MTMR3: variants seen among roughly 807,000 people sequenced by gnomAD.
MTMR3 encodes myotubularin related protein 3.
Under a neutral mutation model 132.4 loss-of-function variants are expected in MTMR3, and 32 were observed. That is an observed-to-expected ratio of 0.24 (90% confidence interval 0.18 to 0.32). The LOEUF (loss-of-function observed/expected upper bound fraction) is 0.32, where lower values mean the gene tolerates loss of function less well. Ranked by LOEUF, MTMR3 falls within the 10% of genes least tolerant of loss-of-function variation. MTMR3 has a pLI of 1.00. For synonymous variants in MTMR3, 556 were observed against 550.3 expected (o/e 1.01, Z -0.14); for missense variants, 1,216 against 1,489.6 (o/e 0.82, Z 3.02).
In MTMR3 at chr22:29,919,312, G is replaced by T. The variant is rs1302276159; in HGVS notation, c.-138+35953G>T. The stretch of plus-strand genomic sequence containing the variant: ...ACTATATACATACTTAAAAGTAAAT[G>T]ACATTTTGTCTTACCATGGATTTCT... On this transcript the variant is annotated intron_variant, in intron 1 of 19. Transcript: ENST00000401950. Among the ~76,000 whole-genome samples the T allele has an allele frequency of 2.0e-5, 3 of 152,040 alleles. No individual in the cohort carries two copies. In the East Asian group the frequency reaches 5.8e-4, roughly 29 times the overall value.
chr22:30,008,136 C>T, intron 11 of MTMR3, 104 bp downstream of exon 11: 1 of 1,434,228 alleles, frequency 7.0e-7, no homozygotes, highest in South Asian at 1.3e-5. Flanking sequence ...AAGCCATATT[C>T]CTCATCCATC....
chr22:29,945,915 T>C (rs1361604695), intron 1 of MTMR3, among the ~76,000 whole-genome samples: 1 of 152,096 alleles, frequency 6.6e-6, no homozygotes, highest in Non-Finnish European at 1.5e-5. Context: ...GAGAGAAATT[T>C]TAGGAAAACT....
At chr22:29,937,270 C>T (rs1185011309) in intron 1 of MTMR3, among the ~76,000 whole-genome samples, 5 of 152,172 alleles carry the variant, frequency 3.3e-5, no homozygotes, top group African/African-American at 4.8e-5. Context: ...AGCGCCTACT[C>T]GATACCAAGA....
At chr22:29,956,213 C>A (rs2066186642) in intron 1 of MTMR3, among the ~76,000 whole-genome samples, 1 of 152,114 alleles carries the variant, frequency 6.6e-6, no homozygotes, top group Non-Finnish European at 1.5e-5. Context: ...CTGTAAAGTT[C>A]AGATTGTTGC....
chr22:30,004,643 T>G (rs1268075577), intron 9 of MTMR3: 1 of 152,208 alleles, frequency 6.6e-6, no homozygotes, highest in African/African-American at 2.4e-5. Flanking sequence ...GTTCTTGGTG[T>G]AGTCATCCAT....
intron 5 of MTMR3, chr22:29,982,230 A>AG (rs2066762650): frequency 6.6e-6 from 1 of 150,670 alleles, no homozygotes; most frequent in South Asian, 2.1e-4. Context: ...AAAAAAAAAA[A>AG]AAAAAAAAAA....
chr22:29,912,198 GT>G (rs1411808989), intron 1 of MTMR3, among the ~76,000 whole-genome samples: 1 of 152,086 alleles, frequency 6.6e-6, no homozygotes, highest in Non-Finnish European at 1.5e-5. Context: ...GTCTTAATTT[GT>G]TTTTTTTATG....
At chr22:29,959,384 C>A (rs200974410) in intron 2 of MTMR3, among the ~76,000 whole-genome samples, 2 of 151,838 alleles carry the variant, frequency 1.3e-5, no homozygotes, top group Non-Finnish European at 2.9e-5. Context: ...ATTTTATTTA[C>A]GTATTTATTT....
In MTMR3 at chr22:30,019,866, CCATTGGACTTCACCA is replaced by C. The variant is rs771610586; in HGVS notation, c.2208_2222del (p.Ile737_Gln741del). ...AGGAGGAAGACACCTGAGGCCTCAG[CCATTGGACTTCACCA>C]AGACCCAGAACTGGGTGATGCTGCT... On this transcript the variant is annotated inframe_deletion, in exon 17 of 20. Transcript: ENST00000401950. 3.7e-6 allele frequency: 6 copies of C among 1,614,188 alleles called. No homozygotes were observed. In the East Asian group the frequency reaches 1.3e-4, roughly 36 times the overall value.
At chr22:29,897,793 C>A (rs1413553842) in intron 1 of MTMR3, among the ~76,000 whole-genome samples, 1 of 151,876 alleles carries the variant, frequency 6.6e-6, no homozygotes, top group Non-Finnish European at 1.5e-5. Flanking sequence ...GGTTGGAGTC[C>A]CTTTTGTCAT....
At chr22:29,983,028 C>CTG (rs1320407341) in intron 5 of MTMR3, 3 of 151,414 alleles carry the variant, frequency 2.0e-5, no homozygotes, top group Non-Finnish European at 4.4e-5. Flanking sequence ...TCTAAAATCC[C>CTG]TGTAAGTAGT....
At chr22:29,957,286 A>C (rs1217887588) in intron 2 of MTMR3, among the ~76,000 whole-genome samples, 198 bp downstream of exon 2, 1 of 148,334 alleles carries the variant, frequency 6.7e-6, no homozygotes, top group South Asian at 2.1e-4. Flanking sequence ...ACTAGGACTC[A>C]TACCAGGTCA....
At chr22:29,891,883 G>A (rs182698500) in intron 1 of MTMR3, among the ~76,000 whole-genome samples, 2 of 151,772 alleles carry the variant, frequency 1.3e-5, no homozygotes, top group Admixed American at 6.6e-5. Context: ...GGCTGGGCGC[G>A]GTGGCTCAGG....
At chr22:30,005,270 GT>G (rs2067251623) in intron 9 of MTMR3, 1 of 152,302 alleles carries the variant, frequency 6.6e-6, no homozygotes, top group African/African-American at 2.4e-5. Flanking sequence ...ATTTTTAACT[GT>G]AGTGTTTGAA....
chr22:30,020,672 A>C lies in MTMR3; in HGVS notation c.3013A>C (p.Ser1005Arg). 1 of 1,614,214 alleles carries C rather than the reference A, an allele frequency of 6.2e-7. No individual in the cohort carries two copies. The highest frequency in any genetic ancestry group is 8.5e-7 in the Non-Finnish European group (1 of 1,180,038). ...HSHSGRPSAT[S>R]SPDQPSRSHL... Reference sequence around the variant, plus strand: ...CCACTCAGGAAGGCCATCTGCAACCAGCAGCCCCGACCAGCCTTCCCGCAG... The same window carrying C: ...CCACTCAGGAAGGCCATCTGCAACCCGCAGCCCCGACCAGCCTTCCCGCAG... Residue 1005 changes from serine to arginine, a missense_variant, in exon 17 of 20, where the codon AGC becomes CGC. Coordinates refer to ENST00000401950, the MANE Select transcript of MTMR3 (RefSeq NM_021090.4).
intron 1 of MTMR3, among the ~76,000 whole-genome samples, chr22:29,934,982 TTATAG>T (rs2065719565): frequency 6.6e-6 from 1 of 152,254 alleles, no homozygotes; most frequent in African/African-American, 2.4e-5. Flanking sequence ...TATTTTTCTA[TTATAG>T]TATTTAAGCA....
At chr22:29,894,496 C>G (rs1348391388) in intron 1 of MTMR3, among the ~76,000 whole-genome samples, 1 of 125,668 alleles carries the variant, frequency 8.0e-6, no homozygotes, top group Non-Finnish European at 1.7e-5. Context: ...CTCCCAAGTT[C>G]TGTATCCGTG....
intron 2 of MTMR3, among the ~76,000 whole-genome samples, chr22:29,969,766 G>T (rs372081903): frequency 6.6e-6 from 1 of 152,028 alleles, no homozygotes; most frequent in Non-Finnish European, 1.5e-5. Context: ...TCCTGACCTC[G>T]TGATCTGCCT....
At chr22:29,884,711 C>T (rs1387033843) in intron 1 of MTMR3, among the ~76,000 whole-genome samples, 11 of 151,990 alleles carry the variant, frequency 7.2e-5, no homozygotes, top group Non-Finnish European at 7.4e-5. Context: ...TACAAGTGTG[C>T]GCCACCACGG....
Sources: gnomAD v4.1 joint callset for allele counts (sites outside exome capture counted in the v4.1 genomes callset) on GRCh38, gnomAD v4.1.1 for gene constraint, MANE v1.5 for transcripts, NCBI Gene and HGNC (gene_info 2026-07-23, HGNC 2026-07-21) for gene names.